The following CDC42BPA variants were observed in gnomAD, a reference collection of about 807,000 sequenced individuals.
CDC42BPA encodes the protein CDC42 binding protein kinase alpha, also known as serine/threonine-protein kinase MRCK alpha.
Under a neutral mutation model 223.5 loss-of-function variants are expected in CDC42BPA, and 80 were observed. That is an observed-to-expected ratio of 0.36 (90% CI 0.30 to 0.43). CDC42BPA has a LOEUF of 0.43. Ranked by LOEUF, CDC42BPA falls within the 20% of genes least tolerant of loss-of-function variation. The pLI is 1.00. For missense variants in CDC42BPA, 1,743 were observed against 2,099.9 expected, an observed-to-expected ratio of 0.83 and a Z score of 3.32; for synonymous variants, 694 against 718.6, an observed-to-expected ratio of 0.97 and a Z score of 0.55.
chr1:227,183,141 A>G (rs551571234), intron 5 of CDC42BPA: 1 of 152,274 alleles, frequency 6.6e-6, no homozygotes, highest in East Asian at 1.9e-4. Context: ...TTATATATAC[A>G]TATATCCTAC....
intron 34 of CDC42BPA, among the ~76,000 whole-genome samples, chr1:227,007,721 A>T (rs1437526895): frequency 6.6e-6 from 1 of 152,230 alleles, no homozygotes; most frequent in Non-Finnish European, 1.5e-5. Flanking sequence ...AGAATACAAT[A>T]GGGAAATTTA....
chr1:227,026,585 A>G (rs773066894), intron 30 of CDC42BPA, among the ~76,000 whole-genome samples: 1 of 152,232 alleles, frequency 6.6e-6, no homozygotes, highest in East Asian at 1.9e-4. Flanking sequence ...TTACATGAAT[A>G]GGGTAGATGC....
intron 16 of CDC42BPA, among the ~76,000 whole-genome samples, chr1:227,085,888 T>C (rs544818388): frequency 5.3e-5 from 8 of 152,380 alleles, no homozygotes; most frequent in Non-Finnish European, 8.8e-5. Flanking sequence ...TATACTTGAA[T>C]GATTTTTAGC....
chr1:227,225,730 G>A (rs924131041), intron 2 of CDC42BPA, among the ~76,000 whole-genome samples: 2 of 151,962 alleles, frequency 1.3e-5, no homozygotes, highest in Middle Eastern at 3.2e-3. Context: ...TCCAAATATG[G>A]GATAATTTTA....
At chr1:227,195,887 C>T (rs879837314) in intron 4 of CDC42BPA, among the ~76,000 whole-genome samples, 2 of 151,996 alleles carry the variant, frequency 1.3e-5, no homozygotes, top group Admixed American at 6.5e-5. Flanking sequence ...AATAAAGAGC[C>T]CCTTCCAATT....
At chr1:227,230,816 CTTTCTTTTT>C (rs1404221257) in intron 2 of CDC42BPA, among the ~76,000 whole-genome samples, 3 of 54,072 alleles carry the variant, frequency 5.5e-5, no homozygotes, top group East Asian at 9.0e-4. Context: ...TTTTTTCTTT[CTTTCTTTTT>C]TTTTTTTTTT....
chr1:227,034,508 AATTCTGTTTCT>A (rs1669886380), intron 26 of CDC42BPA, 136 bp downstream of exon 26: 1 of 727,206 alleles, frequency 1.4e-6, no homozygotes, highest in African/African-American at 1.8e-5. Flanking sequence ...TCCTATTTTC[AATTCTGTTTCT>A]ATAGCAATAT....
intron 22 of CDC42BPA, among the ~76,000 whole-genome samples, chr1:227,050,611 T>G (rs1030475914): frequency 5.3e-5 from 8 of 152,062 alleles, no homozygotes; most frequent in African/African-American, 1.9e-4. Context: ...TTATAATGAA[T>G]GAACTAAATG....
chr1:227,088,677 T>A (rs1682455259), intron 16 of CDC42BPA, among the ~76,000 whole-genome samples: 1 of 152,182 alleles, frequency 6.6e-6, no homozygotes, highest in Non-Finnish European at 1.5e-5. Context: ...TTTTTAAAAA[T>A]TTGTTATGAG....
At chr1:227,150,120 A>G (rs1311621886) in intron 6 of CDC42BPA, among the ~76,000 whole-genome samples, 1 of 151,158 alleles carries the variant, frequency 6.6e-6, no homozygotes, top group African/African-American at 2.4e-5. Flanking sequence ...GCAACTCGGG[A>G]GGCTGAGGTG....
chr1:227,051,128 T>C (rs73091738), intron 22 of CDC42BPA, among the ~76,000 whole-genome samples: 23,484 of 152,138 alleles, frequency 0.15, 2,196 homozygotes, highest in African/African-American at 0.25. Flanking sequence ...CACACTTCAC[T>C]TCAGACAACT....
In CDC42BPA at chr1:227,199,518, C is replaced by CA. The variant is rs367961678; in HGVS notation, c.450+38dup. On this transcript the variant is annotated intron_variant, in intron 4 of 36. Transcript: ENST00000366766. Reference sequence around the variant, plus strand: ...ATAAAAATAATGCTAATTCTTCCAACAAAAAAACAGTATATAGAAATACAA... The same window carrying CA: ...ATAAAAATAATGCTAATTCTTCCAACAAAAAAAACAGTATATAGAAATACAA... The CA allele has an allele frequency of 3.0e-4, 339 of 1,132,176 alleles. No individual in the cohort carries two copies. In the African/African-American group the frequency reaches 4.7e-3, roughly 16 times the overall value. 70.1% of individuals were successfully genotyped at this position (1,132,176 alleles called of 1,614,324 possible).
intron 2 of CDC42BPA, among the ~76,000 whole-genome samples, chr1:227,239,433 A>G: frequency 6.6e-6 from 1 of 152,186 alleles, no homozygotes; most frequent in Non-Finnish European, 1.5e-5. Flanking sequence ...GGTAATAATA[A>G]TATGTCAATG....
chr1:227,173,816 T>C (rs990017818), intron 5 of CDC42BPA, among the ~76,000 whole-genome samples: 4 of 152,228 alleles, frequency 2.6e-5, no homozygotes, highest in Admixed American at 2.6e-4. Flanking sequence ...AATACAACTG[T>C]TAAGTATAAC....
intron 28 of CDC42BPA, 51 bp downstream of exon 28, chr1:227,031,247 G>A: frequency 7.1e-7 from 1 of 1,414,430 alleles, no homozygotes. Flanking sequence ...CTGTTCTCAA[G>A]GTAGATTAGT....
intron 2 of CDC42BPA, among the ~76,000 whole-genome samples, chr1:227,214,696 G>A (rs1350637335): frequency 1.3e-5 from 2 of 152,144 alleles, no homozygotes; most frequent in African/African-American, 4.8e-5. Context: ...ATTGAGGGAA[G>A]AATAGCTGAA....
intron 30 of CDC42BPA, among the ~76,000 whole-genome samples, chr1:227,027,309 G>A (rs1668451181): frequency 1.3e-5 from 2 of 152,270 alleles, no homozygotes; most frequent in African/African-American, 2.4e-5. Flanking sequence ...TGATTTTTCT[G>A]TAATGAGCAT....
chr1:226,994,574 C>A lies in CDC42BPA; in HGVS notation c.5134-175G>T, dbSNP rs939890410. Among the ~76,000 whole-genome samples, 8 of 152,172 alleles carry A rather than the reference C, an allele frequency of 5.3e-5. No homozygotes were observed. The highest frequency in any genetic ancestry group is 1.3e-4 in the Admixed American group (2 of 15,282). On this transcript the variant is annotated intron_variant, in intron 36 of 36. Coordinates refer to ENST00000366766, the MANE Select transcript of CDC42BPA (RefSeq NM_001394014.1). This position sits in a 1 kb window ranked among gnomAD's most constrained non-coding sequence, Gnocchi z 4.0. ...GAGGAAGAGGCACGGAACATACAAG[C>A]TCCGTCCTTTCTGTAGGCCTTTACA...
chr1:227,118,799 A>G (rs1688174942), intron 12 of CDC42BPA, among the ~76,000 whole-genome samples: 1 of 152,084 alleles, frequency 6.6e-6, no homozygotes, highest in African/African-American at 2.4e-5. Context: ...ATAGAACACT[A>G]ACAGTTTTAA....
Sources: gnomAD v4.1 joint callset for allele counts (sites outside exome capture counted in the v4.1 genomes callset) on GRCh38, gnomAD v4.1.1 for gene constraint, Gnocchi (gnomAD v3.1) non-coding constraint, MANE v1.5 for transcripts, NCBI Gene and HGNC (gene_info 2026-07-23, HGNC 2026-07-21) for gene names.